Variants in CNOT4 observed in about 807,000 individuals in gnomAD.
CNOT4 encodes CCR4-NOT transcription complex subunit 4.
CNOT4 carries 8 observed loss-of-function variants against 73.8 expected under a neutral mutation model. The observed-to-expected ratio is 0.11, with a 90% CI of 0.06 to 0.20. The LOEUF (loss-of-function observed/expected upper bound fraction) is 0.20, where lower values mean the gene tolerates loss of function less well. CNOT4 is among the 10% of genes least tolerant of loss of function. CNOT4 has a pLI of 1.00. For synonymous variants in CNOT4, 293 were observed against 321.1 expected (o/e 0.91, Z 0.94); for missense variants, 564 against 883.4 (o/e 0.64, Z 4.58).
In CNOT4 at chr7:135,419,380, G is replaced by A. The variant is rs186930103; in HGVS notation, c.372+2776C>T. On this transcript the variant is annotated intron_variant, in intron 3 of 11. Transcript: ENST00000541284. Reference sequence around the variant, plus strand: ...AATTTGAACCTTCTTTTGAGTTTTCGAGTGAAGCCAACTTCACTAGAAGTT... The same window carrying A: ...AATTTGAACCTTCTTTTGAGTTTTCAAGTGAAGCCAACTTCACTAGAAGTT... 7.2e-5 allele frequency among the ~76,000 whole-genome samples: 11 copies of A among 152,080 alleles called. No homozygotes were observed. In the South Asian group the frequency reaches 8.3e-4, roughly 11 times the overall value.
At chr7:135,498,811 T>A (rs778029643) in intron 1 of CNOT4, among the ~76,000 whole-genome samples, 12 of 152,158 alleles carry the variant, frequency 7.9e-5, no homozygotes, top group Admixed American at 4.6e-4. Context: ...CCTCCCAAAG[T>A]GCTGGGATTA....
At chr7:135,492,043 G>C (rs1803145293) in intron 1 of CNOT4, among the ~76,000 whole-genome samples, 2 of 152,180 alleles carry the variant, frequency 1.3e-5, no homozygotes, top group Non-Finnish European at 2.9e-5. Flanking sequence ...GTCTGTAAGT[G>C]TTCTTCTGAC....
intron 1 of CNOT4, among the ~76,000 whole-genome samples, chr7:135,485,517 A>G (rs1479720364): frequency 6.6e-6 from 1 of 152,238 alleles, no homozygotes; most frequent in East Asian, 1.9e-4. Context: ...CGCTACAGCA[A>G]TTAAAACTGT....
chr7:135,416,170 C>G (rs1797862174), intron 3 of CNOT4, among the ~76,000 whole-genome samples: 1 of 152,094 alleles, frequency 6.6e-6, no homozygotes, highest in Non-Finnish European at 1.5e-5. Flanking sequence ...TGAAAGCTTT[C>G]TGCATGTAAC....
At chr7:135,394,747 C>T (rs933042026) in intron 9 of CNOT4, among the ~76,000 whole-genome samples, 4 of 152,110 alleles carry the variant, frequency 2.6e-5, no homozygotes, top group African/African-American at 7.2e-5. Flanking sequence ...ATAAATATAA[C>T]AGATTTTAAT....
intron 1 of CNOT4, among the ~76,000 whole-genome samples, chr7:135,464,059 C>T (rs936599056): frequency 5.8e-5 from 8 of 138,442 alleles, no homozygotes; most frequent in South Asian, 2.3e-4. Flanking sequence ...GGCAAGGTTA[C>T]GAAGAAAAGG....
rs1407234317 is a variant in CNOT4 at position 135,362,205 on chromosome 7, T to C, written c.*680A>G. 6.6e-6 allele frequency: 1 copy of C among 152,458 alleles called. No homozygotes were observed. Among genetic ancestry groups the C allele is most frequent in the Non-Finnish European group, 1.5e-5 (1 of 68,304 alleles). 9.4% of individuals were successfully genotyped at this position (152,458 alleles called of 1,614,324 possible). A position where few individuals can be genotyped will look rare whatever the true frequency, so the allele number is the denominator to read the frequency against. On this transcript the variant is annotated 3_prime_UTR_variant, in exon 12 of 12. Coordinates refer to ENST00000541284, the MANE Select transcript of CNOT4 (RefSeq NM_001190850.2). ...TACTTTAAATCTAAAGCCAAAAAAT[T>C]TTTCTCCTTTAAAAAAATTACTTCT... is the stretch of plus-strand genomic sequence containing the variant.
At chr7:135,426,343 C>T (rs1274447276) in intron 2 of CNOT4, among the ~76,000 whole-genome samples, 1 of 152,164 alleles carries the variant, frequency 6.6e-6, no homozygotes, top group African/African-American at 2.4e-5. Context: ...TGGCTCACGC[C>T]TGTAATCCCA....
intron 10 of CNOT4, among the ~76,000 whole-genome samples, chr7:135,368,627 A>G (rs1339570021): frequency 6.6e-6 from 1 of 152,230 alleles, no homozygotes; most frequent in Non-Finnish European, 1.5e-5. Context: ...GAAGAACAGT[A>G]GCATTCGTGG....
intron 10 of CNOT4, among the ~76,000 whole-genome samples, chr7:135,382,632 T>G (rs1377895641): frequency 3.3e-5 from 5 of 151,328 alleles, no homozygotes; most frequent in Non-Finnish European, 5.9e-5. Flanking sequence ...GGTTTTCACA[T>G]TTGTGGATTC....
chr7:135,496,954 G>A (rs1239930878), intron 1 of CNOT4, among the ~76,000 whole-genome samples: 1 of 151,398 alleles, frequency 6.6e-6, no homozygotes, highest in African/African-American at 2.4e-5. Flanking sequence ...CTACATGAGT[G>A]CACCACCAAG....
At chr7:135,497,060 G>A (rs982272907) in intron 1 of CNOT4, among the ~76,000 whole-genome samples, 2 of 151,560 alleles carry the variant, frequency 1.3e-5, no homozygotes, top group East Asian at 2.0e-4. Context: ...CTCCAGCCTC[G>A]GACTCCCAAA....
Position 135,362,505 on chromosome 7 carries a change from G to A in CNOT4, c.*380C>T. ...TTTTCAAACTTCTGCAGTTGATAAT[G>A]CATTTACTTGAGCTTTCCTATAGAT... On this transcript the variant is annotated 3_prime_UTR_variant, in exon 12 of 12. Transcript: ENST00000541284. The A allele has an allele frequency of 2.9e-6, 1 of 348,048 alleles. No individual in the cohort carries two copies. Among genetic ancestry groups the A allele is most frequent in the Non-Finnish European group, 5.5e-6 (1 of 181,852 alleles). The allele number at this position is 348,048 out of a possible 1,614,324, so 21.6% of individuals were successfully genotyped here. A position where few individuals can be genotyped will look rare whatever the true frequency, so the allele number is the denominator to read the frequency against.
At chr7:135,488,134 T>G (rs908811969) in intron 1 of CNOT4, among the ~76,000 whole-genome samples, 1 of 152,108 alleles carries the variant, frequency 6.6e-6, no homozygotes, top group Non-Finnish European at 1.5e-5. Context: ...TTCAAGGATT[T>G]TTTTCAAAAA....
At chr7:135,390,081 C>G (rs17479687) in intron 10 of CNOT4, among the ~76,000 whole-genome samples, 11,720 of 152,092 alleles carry the variant, frequency 0.077, 514 homozygotes, top group Middle Eastern at 0.13. Flanking sequence ...AACAATAGGC[C>G]ATATACCCCT....
At chr7:135,432,425 G>A (rs62480642) in intron 2 of CNOT4, among the ~76,000 whole-genome samples, 86 of 152,136 alleles carry the variant, frequency 5.7e-4, no homozygotes, top group Non-Finnish European at 1.1e-3. Context: ...ATATTTTTAG[G>A]TGTTCATTAC....
At chr7:135,493,275 C>T (rs1200965397) in intron 1 of CNOT4, among the ~76,000 whole-genome samples, 1 of 152,134 alleles carries the variant, frequency 6.6e-6, no homozygotes, top group African/African-American at 2.4e-5. Flanking sequence ...GATCCTCCTG[C>T]CTCTACCTCT....
chr7:135,453,024 G>C (rs887890906), intron 1 of CNOT4, among the ~76,000 whole-genome samples: 1 of 152,050 alleles, frequency 6.6e-6, no homozygotes, highest in Admixed American at 6.6e-5. Flanking sequence ...GTTTTATTTG[G>C]GGGAAAAAGT....
intron 1 of CNOT4, among the ~76,000 whole-genome samples, chr7:135,467,136 G>A (rs1012078546): frequency 6.6e-6 from 1 of 152,156 alleles, no homozygotes; most frequent in African/African-American, 2.4e-5. Context: ...CATATACTAT[G>A]TATCAGACAT....
Sources: gnomAD v4.1 joint callset for allele counts (sites outside exome capture counted in the v4.1 genomes callset) on GRCh38, gnomAD v4.1.1 for gene constraint, MANE v1.5 for transcripts, NCBI Gene and HGNC (gene_info 2026-07-23, HGNC 2026-07-21) for gene names.